The following GAS7 variants were observed in gnomAD, a reference collection of about 807,000 sequenced individuals.
GAS7 encodes growth arrest-specific protein 7.
GAS7 carries 28 observed loss-of-function variants against 71.1 expected under a neutral mutation model. That is an observed-to-expected ratio of 0.39 (90% CI 0.29 to 0.54). GAS7 has a LOEUF of 0.54. Ranked by LOEUF, GAS7 falls within the 20% of genes least tolerant of loss-of-function variation. The probability of loss-of-function intolerance (pLI) is 0.62; values close to 1 mark genes in which losing one functional copy is unlikely to be tolerated. For missense variants in GAS7, 436 were observed against 627.8 expected, an observed-to-expected ratio of 0.69 and a Z score of 3.27; for synonymous variants, 258 against 245.8, an observed-to-expected ratio of 1.05 and a Z score of -0.46.
intron 1 of GAS7, among the ~76,000 whole-genome samples, chr17:10,042,485 CAACT>C (rs909291329): frequency 6.6e-6 from 1 of 152,056 alleles, no homozygotes; most frequent in African/African-American, 2.4e-5. Flanking sequence ...ATCAATCAAC[CAACT>C]AATAGTTACT....
chr17:10,097,031 GC>G (rs1176356054), intron 1 of GAS7, among the ~76,000 whole-genome samples: 1 of 152,130 alleles, frequency 6.6e-6, no homozygotes, highest in Admixed American at 6.5e-5. Flanking sequence ...AACTTTTCAA[GC>G]CAGCTGCCTT....
chr17:10,092,231 A>T (rs1422666655), intron 1 of GAS7, among the ~76,000 whole-genome samples: 1 of 152,134 alleles, frequency 6.6e-6, no homozygotes, highest in Non-Finnish European at 1.5e-5. Flanking sequence ...TCTTTGCTCA[A>T]ATGTTACCAA....
chr17:10,106,759 C>T (rs1465936866), intron 1 of GAS7, among the ~76,000 whole-genome samples: 6 of 131,766 alleles, frequency 4.6e-5, no homozygotes, highest in Non-Finnish European at 6.3e-5. Flanking sequence ...AAAAGATACC[C>T]GCTGTGGTAG....
Position 9,966,741 on chromosome 17 carries a change from C to T in GAS7, c.471+2936G>A, listed in dbSNP as rs9907958. 9.6e-3 allele frequency among the ~76,000 whole-genome samples: 1,466 copies of T among 152,232 alleles called. 32 individuals are homozygous for T. The highest frequency in any genetic ancestry group is 0.033 in the African/African-American group (1,390 of 41,532). ...GGGCGTGGTGGCCGGCGCCTGCAGT[C>T]CCAGCTACTCCAGAGGCTGAGGCGG... On this transcript the variant is annotated intron_variant, in intron 4 of 13. Transcript: ENST00000432992.
At chr17:10,198,153 G>T in intron 1 of GAS7, 55 bp downstream of exon 1, 3 of 1,516,712 alleles carry the variant, frequency 2.0e-6, no homozygotes, top group Non-Finnish European at 2.7e-6. Context: ...ACAGGTACGC[G>T]AGCGCACCGA....
intron 1 of GAS7, among the ~76,000 whole-genome samples, chr17:10,044,312 T>C (rs2072915962): frequency 6.6e-6 from 1 of 152,226 alleles, no homozygotes; most frequent in Non-Finnish European, 1.5e-5. Flanking sequence ...CAGCATCACA[T>C]GACAAGCCGA....
chr17:10,056,964 AT>A lies in GAS7; in HGVS notation c.184-37068del, dbSNP rs547145651. Among the ~76,000 whole-genome samples the A allele has an allele frequency of 7.9e-3, 1,143 of 145,572 alleles. 9 individuals are homozygous for A. The highest frequency in any genetic ancestry group is 0.024 in the African/African-American group (953 of 39,914). ...GCCACCACGCCTGACTGGTTTTCAT[AT>A]TTTTTTTTTTGGTGGAGACGGGGTT... On this transcript the variant is annotated intron_variant, in intron 1 of 13. Coordinates refer to ENST00000432992, the MANE Select transcript of GAS7 (RefSeq NM_201433.2).
At chr17:10,013,790 G>C (rs1336042869) in intron 2 of GAS7, among the ~76,000 whole-genome samples, 1 of 152,098 alleles carries the variant, frequency 6.6e-6, no homozygotes, top group African/African-American at 2.4e-5. Flanking sequence ...ATTCTCCCTT[G>C]CCTTTGATGA....
intron 11 of GAS7, among the ~76,000 whole-genome samples, chr17:9,920,003 G>A (rs1567770618): frequency 1.4e-5 from 2 of 145,780 alleles, no homozygotes; most frequent in Non-Finnish European, 3.0e-5. Context: ...GTGTGTGTGT[G>A]TGTGTGTGTG....
chr17:10,034,000 A>C (rs2152222257), intron 1 of GAS7: 1 of 379,344 alleles, frequency 2.6e-6, no homozygotes, highest in Non-Finnish European at 3.6e-6. Context: ...TAAGGGGTGC[A>C]ATTCTCACCA....
At chr17:10,035,365 A>G (rs1429033543) in intron 1 of GAS7, among the ~76,000 whole-genome samples, 1 of 152,290 alleles carries the variant, frequency 6.6e-6, no homozygotes, top group South Asian at 2.1e-4. Context: ...GCAGAGCCCC[A>G]GGTCCTGCCC....
chr17:9,937,532 A>G (rs534592118), intron 8 of GAS7, among the ~76,000 whole-genome samples: 6 of 152,250 alleles, frequency 3.9e-5, no homozygotes, highest in Admixed American at 3.9e-4. Flanking sequence ...AACTAACCTC[A>G]TTTACATCTG....
intron 1 of GAS7, among the ~76,000 whole-genome samples, chr17:10,156,634 T>G (rs561476430): frequency 6.6e-6 from 1 of 152,026 alleles, no homozygotes; most frequent in Non-Finnish European, 1.5e-5. Flanking sequence ...TGAAAGACAA[T>G]TTGGCCACTG....
intron 5 of GAS7, among the ~76,000 whole-genome samples, chr17:9,953,793 A>C (rs2069114444): frequency 6.6e-6 from 1 of 152,224 alleles, no homozygotes; most frequent in African/African-American, 2.4e-5. Flanking sequence ...TCCTTGCCAG[A>C]CAGCCTGTTC....
chr17:10,057,771 G>A (rs79546193), intron 1 of GAS7, among the ~76,000 whole-genome samples: 3 of 152,128 alleles, frequency 2.0e-5, no homozygotes, highest in Non-Finnish European at 2.9e-5. Flanking sequence ...CACTGAGAAC[G>A]GGCCATGATG....
intron 1 of GAS7, among the ~76,000 whole-genome samples, chr17:10,021,934 T>G (rs2072285837): frequency 6.6e-6 from 1 of 151,820 alleles, no homozygotes; most frequent in African/African-American, 2.4e-5. Flanking sequence ...AGAAATAAAG[T>G]CGGCATGGGT....
At chr17:10,142,104 T>C (rs1415921764) in intron 1 of GAS7, among the ~76,000 whole-genome samples, 1 of 151,742 alleles carries the variant, frequency 6.6e-6, no homozygotes, top group East Asian at 2.0e-4. Flanking sequence ...GGCAGGTGCC[T>C]GTAGTCCCAG....
chr17:9,963,047 A>AC (rs950561967), intron 4 of GAS7, among the ~76,000 whole-genome samples: 2 of 150,820 alleles, frequency 1.3e-5, no homozygotes, highest in African/African-American at 5.0e-5. Flanking sequence ...ATGAAAAAAA[A>AC]AAAAAAGAAA....
chr17:10,007,324 G>A (rs941274301), intron 2 of GAS7, among the ~76,000 whole-genome samples: 10 of 151,968 alleles, frequency 6.6e-5, no homozygotes, highest in African/African-American at 2.4e-4. Context: ...TAACCAAGAC[G>A]TCTAAAGAAT....
Sources: allele counts gnomAD v4.1 joint callset (sites outside exome capture counted in the v4.1 genomes callset), GRCh38; gene constraint gnomAD v4.1.1; transcripts MANE v1.5; gene names NCBI Gene and HGNC (gene_info 2026-07-23, HGNC 2026-07-21).